The following CSMD1 variants were observed in gnomAD, a reference collection of about 807,000 sequenced individuals.
The protein encoded by CSMD1 is CUB and Sushi multiple domains 1.
In CSMD1, 213 loss-of-function variants were observed where a neutral mutation model predicts 417.5. That is an observed-to-expected ratio of 0.51 (90% CI 0.46 to 0.57). The LOEUF (loss-of-function observed/expected upper bound fraction) is 0.57. Ranked by LOEUF, CSMD1 falls within the 20% of genes least tolerant of loss-of-function variation. The pLI, the probability that CSMD1 is intolerant of heterozygous loss-of-function variation, is 0.00. For missense variants in CSMD1, 6,923 were observed against 4,529.7 expected, an observed-to-expected ratio of 1.53 and a Z score of -15.17; for synonymous variants, 2,862 against 1,736.8, an observed-to-expected ratio of 1.65 and a Z score of -16.11.
At chr8:3,849,446 C>G (rs1803732812) in intron 5 of CSMD1, among the ~76,000 whole-genome samples, 3 of 152,186 alleles carry the variant, frequency 2.0e-5, no homozygotes, top group Admixed American at 2.0e-4. Flanking sequence ...AACCCTGCTC[C>G]TTCTGGCGGT....
At chr8:4,184,308 C>T (rs1338057516) in intron 3 of CSMD1, among the ~76,000 whole-genome samples, 1 of 152,144 alleles carries the variant, frequency 6.6e-6, no homozygotes, top group East Asian at 1.9e-4. Flanking sequence ...ATGGCTGAGG[C>T]TAACTCTTAA....
intron 3 of CSMD1, among the ~76,000 whole-genome samples, chr8:4,410,445 T>G (rs114084130): frequency 2.6e-5 from 4 of 152,164 alleles, no homozygotes; most frequent in Admixed American, 2.0e-4. Flanking sequence ...AGCGTCCAGA[T>G]AGTATATAGC....
chr8:4,717,265 C>G (rs1311170960), intron 1 of CSMD1, among the ~76,000 whole-genome samples: 1 of 149,330 alleles, frequency 6.7e-6, no homozygotes, highest in South Asian at 2.1e-4. Flanking sequence ...GAAAATAGGG[C>G]CTCAAAGAAG....
intron 10 of CSMD1, among the ~76,000 whole-genome samples, chr8:3,507,451 G>A (rs1235234241): frequency 6.6e-6 from 1 of 152,124 alleles, no homozygotes; most frequent in Non-Finnish European, 1.5e-5. Context: ...TGTGAATAGT[G>A]CCACAGTAAA....
At chr8:3,628,595 G>T (rs577133148) in intron 7 of CSMD1, among the ~76,000 whole-genome samples, 2 of 152,338 alleles carry the variant, frequency 1.3e-5, no homozygotes, top group East Asian at 1.9e-4. Flanking sequence ...CATGGCAAGT[G>T]CAGGGGGAGG....
At chr8:4,081,962 A>G (rs373651194) in intron 3 of CSMD1, among the ~76,000 whole-genome samples, 1 of 152,164 alleles carries the variant, frequency 6.6e-6, no homozygotes, top group Admixed American at 6.5e-5. Flanking sequence ...TATAAACTCA[A>G]TTATTTAAGA....
chr8:4,420,402 A>C (rs1797180283), intron 2 of CSMD1, among the ~76,000 whole-genome samples: 1 of 151,982 alleles, frequency 6.6e-6, no homozygotes, highest in South Asian at 2.1e-4. Context: ...GTTATAGGGT[A>C]CATGTGCAAT....
chr8:3,514,056 C>T (rs1485416684), intron 10 of CSMD1, among the ~76,000 whole-genome samples: 2 of 152,128 alleles, frequency 1.3e-5, no homozygotes, highest in Non-Finnish European at 2.9e-5. Context: ...CTCTTAGGAA[C>T]ACCCTGTGTT....
At chr8:4,925,450 C>G (rs949167631) in intron 1 of CSMD1, among the ~76,000 whole-genome samples, 1 of 151,818 alleles carries the variant, frequency 6.6e-6, no homozygotes, top group Non-Finnish European at 1.5e-5. Flanking sequence ...TTAATCATTT[C>G]AAAATCAACC....
intron 54 of CSMD1, among the ~76,000 whole-genome samples, chr8:2,990,745 C>T (rs181476373): frequency 3.3e-5 from 5 of 152,278 alleles, no homozygotes; most frequent in East Asian, 1.9e-4. Context: ...ATGCTCTCTA[C>T]CCTGGAAGAG....
intron 2 of CSMD1, among the ~76,000 whole-genome samples, chr8:4,599,896 G>A (rs114821325): frequency 1.3e-5 from 2 of 152,256 alleles, no homozygotes; most frequent in African/African-American, 2.4e-5. Context: ...TTTGTAAACT[G>A]CTCAAAGTAG....
chr8:3,973,058 T>C (rs1813192959), intron 5 of CSMD1, among the ~76,000 whole-genome samples: 1 of 152,272 alleles, frequency 6.6e-6, no homozygotes, highest in African/African-American at 2.4e-5. Context: ...TAAGTGTGCT[T>C]TGATAACAAA....
At chr8:3,446,896 A>G (rs1456620254) in intron 12 of CSMD1, among the ~76,000 whole-genome samples, 1 of 152,222 alleles carries the variant, frequency 6.6e-6, no homozygotes, top group Non-Finnish European at 1.5e-5. Flanking sequence ...TGTAAGAGAA[A>G]TTAAAGCACT....
At chr8:3,282,654 A>T (rs1275555724) in intron 26 of CSMD1, among the ~76,000 whole-genome samples, 1 of 152,102 alleles carries the variant, frequency 6.6e-6, no homozygotes, top group East Asian at 1.9e-4. Flanking sequence ...ACCAGTGAAA[A>T]TTTTACCATG....
intron 2 of CSMD1, among the ~76,000 whole-genome samples, chr8:4,557,193 C>T (rs1000852755): frequency 1.3e-5 from 2 of 152,096 alleles, no homozygotes; most frequent in Non-Finnish European, 2.9e-5. Flanking sequence ...GTGACGGATT[C>T]GAGGCTGAGT....
At position 4,026,939 on chromosome 8, in the gene CSMD1, CAAACA is replaced by C. The variant is rs529318958; in HGVS notation, c.610+4961_610+4965del. Among the ~76,000 whole-genome samples the C allele has an allele frequency of 1.5e-3, 229 of 152,250 alleles. 1 individual carries two copies. The highest frequency in any genetic ancestry group is 5.3e-3 in the African/African-American group (220 of 41,564). On this transcript the variant is annotated intron_variant, in intron 4 of 69. Transcript: ENST00000635120. ...ACCAACCAAACAACAAACAAACAAA[CAAACA>C]AACTGAAAACCTACTTTGCAGTGTT...
At chr8:4,495,416 A>G (rs1405959872) in intron 2 of CSMD1, among the ~76,000 whole-genome samples, 5 of 152,080 alleles carry the variant, frequency 3.3e-5, no homozygotes, top group Non-Finnish European at 7.3e-5. Flanking sequence ...TCTACTAAAA[A>G]TACAGAAAAT....
intron 3 of CSMD1, among the ~76,000 whole-genome samples, chr8:4,251,106 G>A (rs1017664822): frequency 6.6e-6 from 1 of 152,090 alleles, no homozygotes; most frequent in Non-Finnish European, 1.5e-5. Context: ...CCAAATTTCT[G>A]AAGGCTACCT....
intron 25 of CSMD1, 84 bp downstream of exon 25, chr8:3,307,611 T>C: frequency 7.1e-7 from 1 of 1,407,490 alleles, no homozygotes; most frequent in Non-Finnish European, 9.7e-7. Flanking sequence ...TAACCATGGA[T>C]ATTTGGTGTA....
Sources: allele counts gnomAD v4.1 joint callset (sites outside exome capture counted in the v4.1 genomes callset), GRCh38; gene constraint gnomAD v4.1.1; transcripts MANE v1.5; gene names NCBI Gene and HGNC (gene_info 2026-07-23, HGNC 2026-07-21).